The following MICAL2 variants were observed in gnomAD, a reference collection of about 807,000 sequenced individuals.
The protein encoded by MICAL2 is [F-actin]-monooxygenase MICAL2.
A neutral mutation model predicts 127.3 loss-of-function variants in MICAL2; 77 were observed. That is an observed-to-expected ratio of 0.60 (90% CI 0.50 to 0.73). MICAL2 has a LOEUF of 0.73. MICAL2 is among the 30% of genes least tolerant of loss of function. MICAL2 has a pLI of 0.00. For synonymous variants in MICAL2, 570 were observed against 551.1 expected (o/e 1.03, Z -0.48); for missense variants, 1,351 against 1,434.4 (o/e 0.94, Z 0.94).
Position 12,256,792 on chromosome 11 carries a change from T to C in MICAL2, c.2963T>C (p.Met988Thr), listed in dbSNP as rs746681849. ...AQATSPDLES[M>T]RKSFPLNLGG... is the part of the protein sequence containing the mutation. The stretch of plus-strand genomic sequence containing the variant: ...TTCTCTCCCGATCCCCAGGAATCTA[T>C]GCGAAAGTCATTTCCCCTTAACCTG... Residue 988 changes from methionine (M) to threonine (T), a missense_variant, in exon 24 of 28, where the codon ATG becomes ACG. Physicochemically the swap from Met to Thr is moderately conservative, Grantham distance 81. Transcript: ENST00000683283. The C allele has an allele frequency of 1.9e-6, 3 of 1,611,432 alleles. No homozygotes were observed. The Admixed American group carries it at 5.0e-5, about 27-fold the overall frequency.
chr11:12,346,927 A>G (rs16911139), intron 32 of MICAL2, among the ~76,000 whole-genome samples: 5,137 of 152,114 alleles, frequency 0.034, 313 homozygotes, highest in African/African-American at 0.12. Flanking sequence ...TTTACACACG[A>G]CACTTCACAC....
At chr11:12,200,006 A>T (rs930561979) in intron 3 of MICAL2, among the ~76,000 whole-genome samples, 4 of 152,134 alleles carry the variant, frequency 2.6e-5, no homozygotes, top group Non-Finnish European at 5.9e-5. Context: ...ACTGGTGTGA[A>T]CTGAAACATC....
intron 29 of MICAL2, among the ~76,000 whole-genome samples, chr11:12,317,942 T>C (rs2134835037): frequency 6.6e-6 from 1 of 152,210 alleles, no homozygotes; most frequent in Non-Finnish European, 1.5e-5. Context: ...TCAAAAGAAA[T>C]TTCAATGGAA....
Position 12,255,712 on chromosome 11 carries a change from G to T in MICAL2, c.2917G>T (p.Asp973Tyr). 2 of 1,614,128 alleles carry T rather than the reference G, an allele frequency of 1.2e-6. No homozygotes were observed. Among genetic ancestry groups the T allele is most frequent in the South Asian group, 2.2e-5 (2 of 91,052 alleles). The part of the protein sequence containing the change: ...AEVLVNLYMN[D>Y]HRPKAQATSP... ...AGTCCTGGTCAATCTGTACATGAATGATCACAGACCTAAGGCCCAGGCCAC... is the reference window on the plus strand; with the variant it reads ...AGTCCTGGTCAATCTGTACATGAATTATCACAGACCTAAGGCCCAGGCCAC... Residue 973 changes from aspartate (D) to tyrosine (Y), a missense_variant, in exon 23 of 28, where the codon GAT becomes TAT. Asp to Tyr is a radical substitution (Grantham distance 160). Coordinates refer to ENST00000683283, the MANE Select transcript of MICAL2 (RefSeq NM_001282663.2).
intron 3 of MICAL2, among the ~76,000 whole-genome samples, chr11:12,191,859 T>C (rs1032649233): frequency 6.6e-6 from 1 of 152,170 alleles, no homozygotes; most frequent in African/African-American, 2.4e-5. Context: ...TGGGTGGGGC[T>C]GAGAAGGTAT....
In MICAL2 at chr11:12,198,121, C is replaced by G. The variant is rs76592661; in HGVS notation, c.265-6129C>G. On this transcript the variant is annotated intron_variant, in intron 3 of 27. Transcript: ENST00000683283. ...CAACCCCCTCTCAGAGATTCCTCCA[C>G]AGCTAGAACCTCAGGTGATTTTGAG... is the stretch of plus-strand genomic sequence containing the variant. Among the ~76,000 whole-genome samples the G allele has an allele frequency of 7.2e-3, 1,099 of 152,188 alleles. 18 individuals carry two copies. The highest frequency in any genetic ancestry group is 0.025 in the African/African-American group (1,055 of 41,526).
At chr11:12,275,774 A>G (rs1205853262), upstream of MICAL2, among the ~76,000 whole-genome samples, 3 of 152,198 alleles carry the variant, frequency 2.0e-5, no homozygotes, top group Non-Finnish European at 2.9e-5. Flanking sequence ...TGATCTGTGC[A>G]TTCACGCCCT....
chr11:12,266,491 G>GC (rs1202919004), downstream of MICAL2, among the ~76,000 whole-genome samples: 3 of 152,118 alleles, frequency 2.0e-5, no homozygotes, highest in Admixed American at 6.5e-5. Flanking sequence ...ATCTTTTACT[G>GC]CCCCCCAGCC....
intron 3 of MICAL2, among the ~76,000 whole-genome samples, chr11:12,172,187 C>T (rs929279510): frequency 1.3e-5 from 2 of 152,190 alleles, no homozygotes; most frequent in Non-Finnish European, 2.9e-5. Context: ...ACATACATCT[C>T]TTTATCACGC....
intron 32 of MICAL2, among the ~76,000 whole-genome samples, chr11:12,336,090 G>T (rs1467125219): frequency 6.6e-6 from 1 of 152,160 alleles, no homozygotes; most frequent in Admixed American, 6.5e-5. Context: ...CATGAGCATG[G>T]AACGTTCTTC....
intron 24 of MICAL2, among the ~76,000 whole-genome samples, chr11:12,258,241 C>A (rs574828427): frequency 1.3e-5 from 2 of 152,290 alleles, no homozygotes; most frequent in East Asian, 3.9e-4. Flanking sequence ...CGGGAGCCCC[C>A]CATTGCTGGA....
chr11:12,111,768 C>T (rs10831735), intron 1 of MICAL2, among the ~76,000 whole-genome samples: 68,160 of 152,086 alleles, frequency 0.45, 16,407 homozygotes, highest in Non-Finnish European at 0.54. Context: ...GCTGGTCCCA[C>T]GGGAGAAAAG....
At chr11:12,202,719 T>TA (rs1331017663) in intron 3 of MICAL2, among the ~76,000 whole-genome samples, 1 of 152,228 alleles carries the variant, frequency 6.6e-6, no homozygotes, top group African/African-American at 2.4e-5. Flanking sequence ...GGCCTAGGTC[T>TA]AGGCAATAAG....
At chr11:12,347,690 G>A (rs1938976903) in intron 32 of MICAL2, among the ~76,000 whole-genome samples, 1 of 152,042 alleles carries the variant, frequency 6.6e-6, no homozygotes, top group African/African-American at 2.4e-5. Context: ...TACTGACATA[G>A]CATTTATATC....
chr11:12,248,146 T>C (rs1861012951), intron 21 of MICAL2, among the ~76,000 whole-genome samples: 1 of 152,206 alleles, frequency 6.6e-6, no homozygotes, highest in Non-Finnish European at 1.5e-5. Flanking sequence ...GCCAGGGCTC[T>C]GCCTTCAGAC....
rs374868489 is a variant in MICAL2 at position 12,358,250 on chromosome 11, G to T, written c.5690-45G>T. On this transcript the variant is annotated intron_variant, in intron 34 of 34. Coordinates refer to the MICAL2 transcript ENST00000646065. ...ATGTCCATGCCAAGAACTCTGCCGG[G>T]GCCCAATCTTCTCTGAGCCCAGTGG... is the stretch of plus-strand genomic sequence containing the variant. 2.0e-4 allele frequency: 311 copies of T among 1,586,332 alleles called. 1 individual carries two copies. Among genetic ancestry groups the T allele is most frequent in the Non-Finnish European group, 2.3e-4 (267 of 1,162,772 alleles).
intron 33 of MICAL2, among the ~76,000 whole-genome samples, chr11:12,354,468 T>C (rs1335703386): frequency 7.9e-5 from 5 of 62,992 alleles, no homozygotes; most frequent in Admixed American, 2.2e-4. Context: ...GCAAACTCTG[T>C]CTCCAAAAAA....
intron 6 of MICAL2, 134 bp from the exon 7 acceptor site, chr11:12,213,121 C>T: frequency 9.7e-7 from 1 of 1,032,582 alleles, no homozygotes; most frequent in East Asian, 2.5e-5. Flanking sequence ...TCTGCCCGCT[C>T]CTGTCCACTA....
At chr11:12,131,011 G>GAATTGCCCCAAGGTAATGGCTCA (rs1305134230) in intron 1 of MICAL2, among the ~76,000 whole-genome samples, 28 of 107,848 alleles carry the variant, frequency 2.6e-4, no homozygotes, top group Admixed American at 6.4e-4. Flanking sequence ...GATCCCAGTA[G>GAATTGCCCCAAGGTAATGGCTCA]GGCCGGGCGC....
Sources: allele counts gnomAD v4.1 joint callset (sites outside exome capture counted in the v4.1 genomes callset), GRCh38; gene constraint gnomAD v4.1.1; transcripts MANE v1.5; gene names NCBI Gene and HGNC (gene_info 2026-07-23, HGNC 2026-07-21).